The following MDGA2 variants were observed in gnomAD, a reference collection of about 807,000 sequenced individuals.
MDGA2 encodes MAM domain-containing glycosylphosphatidylinositol anchor protein 2.
MDGA2 carries 40 observed loss-of-function variants against 117.8 expected under a neutral mutation model. The ratio of observed to expected loss-of-function variants is 0.34; its 90% CI spans 0.26 to 0.44. MDGA2 has a LOEUF of 0.44. Among genes scored for constraint, MDGA2 ranks in the 20% least tolerant of loss-of-function variants. The pLI is 1.00. For synonymous variants in MDGA2, 452 were observed against 439.0 expected (o/e 1.03, Z -0.37); for missense variants, 1,123 against 1,250.6 (o/e 0.90, Z 1.54).
intron 1 of MDGA2, among the ~76,000 whole-genome samples, chr14:47,527,979 A>C (rs1253084309): frequency 6.6e-6 from 1 of 152,236 alleles, no homozygotes; most frequent in African/African-American, 2.4e-5. Context: ...AGTAAACAGA[A>C]GGCAAAAACA....
chr14:47,156,002 CAGGTTAAGCG>C (rs1222075016), intron 3 of MDGA2, among the ~76,000 whole-genome samples: 12 of 143,840 alleles, frequency 8.3e-5, no homozygotes, highest in African/African-American at 2.8e-4. Flanking sequence ...CTCCGCCTCC[CAGGTTAAGCG>C]ATTCTCATGC....
chr14:47,490,601 G>A (rs915701607), intron 1 of MDGA2, among the ~76,000 whole-genome samples: 2 of 152,010 alleles, frequency 1.3e-5, no homozygotes, highest in African/African-American at 2.4e-5. Context: ...ACATATTGGC[G>A]AGCATAAAAG....
intron 1 of MDGA2, among the ~76,000 whole-genome samples, chr14:47,354,842 T>C (rs1890957743): frequency 6.6e-6 from 1 of 151,912 alleles, no homozygotes; most frequent in Admixed American, 6.6e-5. Flanking sequence ...TGAAATTAAC[T>C]GTGAAGATAA....
chr14:47,197,039 TACC>T (rs1274132378), intron 3 of MDGA2, among the ~76,000 whole-genome samples: 1 of 152,256 alleles, frequency 6.6e-6, no homozygotes, highest in South Asian at 2.1e-4. Context: ...GCTGTATATG[TACC>T]ACATTTTCCT....
At chr14:47,288,327 T>A (rs1888759758) in intron 2 of MDGA2, among the ~76,000 whole-genome samples, 1 of 152,198 alleles carries the variant, frequency 6.6e-6, no homozygotes, top group Admixed American at 6.6e-5. Flanking sequence ...CTGACTACAG[T>A]ACATCTTCCT....
chr14:47,615,863 G>A (rs1896939495), intron 1 of MDGA2, among the ~76,000 whole-genome samples: 1 of 152,128 alleles, frequency 6.6e-6, no homozygotes, highest in African/African-American at 2.4e-5. Context: ...GAACTGAGTG[G>A]ACTGACCATG....
intron 1 of MDGA2, among the ~76,000 whole-genome samples, chr14:47,615,725 T>A (rs1051622746): frequency 1.3e-5 from 2 of 152,232 alleles, no homozygotes; most frequent in African/African-American, 4.8e-5. Flanking sequence ...AGGTGAGAAC[T>A]ATTAGGTTTC....
In MDGA2 at chr14:47,187,917, T is replaced by TTGTGTG. The variant is rs34044843; in HGVS notation, c.595+30098_595+30103dup. On this transcript the variant is annotated intron_variant, in intron 3 of 16. Coordinates refer to ENST00000399232, the MANE Select transcript of MDGA2 (RefSeq NM_001113498.3). ...GTTCATGTTTTATTATTAAAGTAGG[T>TTGTGTG]TGTGTGTGTGTGTGTGTGTGTGTCT... is the stretch of plus-strand genomic sequence containing the variant. Among the ~76,000 whole-genome samples the TTGTGTG allele has an allele frequency of 1.1e-3, 170 of 148,752 alleles. 2 individuals are homozygous for TTGTGTG. The highest frequency in any genetic ancestry group is 3.8e-3 in the African/African-American group (156 of 40,722).
At chr14:46,957,290 T>G (rs1470043610) in intron 9 of MDGA2, 84 bp downstream of exon 9, 1 of 1,339,062 alleles carries the variant, frequency 7.5e-7, no homozygotes, top group Non-Finnish European at 1.0e-6. Flanking sequence ...TTTACAAATG[T>G]TTTCATTCTT....
chr14:47,638,180 G>T (rs1405840478), intron 1 of MDGA2, among the ~76,000 whole-genome samples: 1 of 152,168 alleles, frequency 6.6e-6, no homozygotes, highest in Non-Finnish European at 1.5e-5. Context: ...TGCATTATGG[G>T]TGTGTGTGCA....
At chr14:47,629,151 A>C (rs185670476) in intron 1 of MDGA2, among the ~76,000 whole-genome samples, 50 of 152,316 alleles carry the variant, frequency 3.3e-4, no homozygotes, top group East Asian at 1.5e-3. Flanking sequence ...AAGAAAAAAA[A>C]CATTAGGGTT....
At chr14:47,534,247 T>C (rs1308415777) in intron 1 of MDGA2, among the ~76,000 whole-genome samples, 2 of 151,970 alleles carry the variant, frequency 1.3e-5, no homozygotes, top group African/African-American at 2.4e-5. Flanking sequence ...AACCCCAGAG[T>C]AGAGGTGTGA....
chr14:47,351,157 C>T (rs1332263131), intron 1 of MDGA2, among the ~76,000 whole-genome samples: 2 of 150,446 alleles, frequency 1.3e-5, no homozygotes, highest in African/African-American at 4.9e-5. Context: ...TGTCTCACCC[C>T]CGCAACCTCT....
chr14:46,850,954 A>T lies in MDGA2; in HGVS notation c.2883+4070T>A, dbSNP rs563339503. 2.0e-5 allele frequency among the ~76,000 whole-genome samples: 3 copies of T among 152,018 alleles called. No individual in the cohort carries two copies. In the South Asian group the frequency reaches 6.2e-4, roughly 32 times the overall value. ...TAATTGCCCTGGAATGTGGCTTAGA[A>T]TGCCAGATATGCTACATGAGCATGT... On this transcript the variant is annotated intron_variant, in intron 15 of 16. Coordinates refer to ENST00000399232, the MANE Select transcript of MDGA2 (RefSeq NM_001113498.3).
At chr14:47,607,577 G>A (rs188883272) in intron 1 of MDGA2, among the ~76,000 whole-genome samples, 50 of 152,168 alleles carry the variant, frequency 3.3e-4, no homozygotes, top group Non-Finnish European at 6.0e-4. Flanking sequence ...AGCAGTTTTG[G>A]TTCATAACAT....
intron 8 of MDGA2, among the ~76,000 whole-genome samples, chr14:47,025,829 T>G (rs1888452939): frequency 6.6e-6 from 1 of 152,146 alleles, no homozygotes; most frequent in Admixed American, 6.6e-5. Flanking sequence ...GCATTCATTT[T>G]CCTCCACTGA....
At chr14:47,128,924 C>A (rs1882044373) in intron 5 of MDGA2, among the ~76,000 whole-genome samples, 1 of 151,898 alleles carries the variant, frequency 6.6e-6, no homozygotes, top group African/African-American at 2.4e-5. Context: ...CTCCTGACCT[C>A]GTGATCTGCC....
At chr14:46,853,912 A>AT (rs1566491748) in intron 15 of MDGA2, among the ~76,000 whole-genome samples, 1 of 151,772 alleles carries the variant, frequency 6.6e-6, no homozygotes, top group Admixed American at 6.6e-5. Flanking sequence ...GTTGTCATTC[A>AT]TTTTCACAAT....
At chr14:47,076,348 A>C (rs1890490309) in intron 6 of MDGA2, among the ~76,000 whole-genome samples, 1 of 152,128 alleles carries the variant, frequency 6.6e-6, no homozygotes, top group Admixed American at 6.5e-5. Context: ...ACCATATGTA[A>C]TATTTTTCAT....
Sources: allele counts gnomAD v4.1 joint callset (sites outside exome capture counted in the v4.1 genomes callset), GRCh38; gene constraint gnomAD v4.1.1; transcripts MANE v1.5; gene names NCBI Gene and HGNC (gene_info 2026-07-23, HGNC 2026-07-21).